Variants in CNBD1 observed in about 807,000 individuals in gnomAD.
CNBD1 encodes cyclic nucleotide-binding domain-containing protein 1.
Under a neutral mutation model 54.4 loss-of-function variants are expected in CNBD1, and 71 were observed. The observed-to-expected ratio is 1.30, with a 90% CI of 1.08 to 1.59. The LOEUF is 1.59. CNBD1 is among the 40% of genes most tolerant of loss of function. The pLI is 0.00. For synonymous variants in CNBD1, 182 were observed against 170.7 expected, an observed-to-expected ratio of 1.07 and a Z score of -0.51; for missense variants, 659 against 518.0, an observed-to-expected ratio of 1.27 and a Z score of -2.64.
intron 2 of CNBD1, among the ~76,000 whole-genome samples, chr8:87,390,603 G>T: frequency 6.6e-6 from 1 of 152,174 alleles, no homozygotes; most frequent in East Asian, 1.9e-4. Context: ...AGGTGCTGGA[G>T]AGGATGTGGA....
chr8:87,424,721 G>T (rs1444269646), intron 2 of CNBD1, among the ~76,000 whole-genome samples: 1 of 152,148 alleles, frequency 6.6e-6, no homozygotes, highest in Non-Finnish European at 1.5e-5. Context: ...CCTTTGAGGG[G>T]AACCTGACCT....
rs1358332876 is a variant in CNBD1 at position 87,266,843 on chromosome 8, A to G, written c.772-17835A>G. 2.6e-5 allele frequency among the ~76,000 whole-genome samples: 4 copies of G among 152,088 alleles called. No homozygotes were observed. In the East Asian group the frequency reaches 5.8e-4, roughly 22 times the overall value. ...TAAGGGCAGTTGGTTATACAGACAG[A>G]AAAGATAAAACTGCATGCCTACTTT... is the stretch of plus-strand genomic sequence containing the variant. On this transcript the variant is annotated intron_variant, in intron 6 of 10. Transcript: ENST00000518476.
intron 3 of CNBD1, among the ~76,000 whole-genome samples, chr8:86,928,087 T>G (rs537085730): frequency 5.3e-4 from 81 of 152,250 alleles, no homozygotes; most frequent in Admixed American, 9.8e-4. Context: ...GGGAAGGGAC[T>G]TGACCAATAC....
At chr8:87,407,394 G>A (rs1283285852) in intron 2 of CNBD1, among the ~76,000 whole-genome samples, 2 of 152,038 alleles carry the variant, frequency 1.3e-5, no homozygotes, top group Non-Finnish European at 2.9e-5. Flanking sequence ...ACTATATGAT[G>A]TTATTGATGG....
chr8:87,071,398 T>C (rs1810757363), intron 4 of CNBD1, among the ~76,000 whole-genome samples: 1 of 152,152 alleles, frequency 6.6e-6, no homozygotes, highest in Non-Finnish European at 1.5e-5. Flanking sequence ...AAAGGCTCCA[T>C]TCATTAGCAG....
At chr8:87,046,784 T>C (rs920001391) in intron 4 of CNBD1, among the ~76,000 whole-genome samples, 5 of 152,196 alleles carry the variant, frequency 3.3e-5, no homozygotes, top group African/African-American at 1.2e-4. Context: ...CTTTGGAAGA[T>C]AATATGTCCT....
chr8:86,883,969 G>A, intron 1 of CNBD1, among the ~76,000 whole-genome samples: 1 of 151,920 alleles, frequency 6.6e-6, no homozygotes, highest in East Asian at 1.9e-4. Flanking sequence ...GGCTAAAACG[G>A]TGAAACCCCG....
intron 10 of CNBD1, among the ~76,000 whole-genome samples, chr8:87,368,493 C>G (rs776688293): frequency 1.3e-5 from 2 of 151,744 alleles, no homozygotes; most frequent in Admixed American, 1.3e-4. Context: ...AAAAAGTTAG[C>G]TGGGCATGGT....
chr8:86,912,502 G>C (rs571795359), intron 3 of CNBD1, among the ~76,000 whole-genome samples: 1 of 152,246 alleles, frequency 6.6e-6, no homozygotes, highest in Admixed American at 6.5e-5. Context: ...ATAGCTGCCT[G>C]TAATGTCATA....
chr8:87,340,676 C>A (rs1305762567), intron 8 of CNBD1, among the ~76,000 whole-genome samples: 1 of 151,892 alleles, frequency 6.6e-6, no homozygotes, highest in Non-Finnish European at 1.5e-5. Flanking sequence ...TCTTCAAGTT[C>A]ACTGATTAAT....
chr8:87,028,909 G>A (rs12114709), intron 4 of CNBD1, among the ~76,000 whole-genome samples: 4,566 of 152,242 alleles, frequency 0.03, 234 homozygotes, highest in African/African-American at 0.1. Flanking sequence ...CTGCAACAAG[G>A]TGTACAAGGC....
At chr8:87,132,856 C>T (rs7829372) in intron 4 of CNBD1, among the ~76,000 whole-genome samples, 88,477 of 148,002 alleles carry the variant, frequency 0.6, 27,696 homozygotes, top group African/African-American at 0.78. Context: ...TTTCCTCTCT[C>T]CTCTCATTTT....
At chr8:87,102,880 C>T (rs1191885207) in intron 4 of CNBD1, among the ~76,000 whole-genome samples, 1 of 152,088 alleles carries the variant, frequency 6.6e-6, no homozygotes. Flanking sequence ...TCCCAAAGTG[C>T]TGGGGTTACA....
intron 4 of CNBD1, among the ~76,000 whole-genome samples, chr8:87,118,688 G>A (rs1162769805): frequency 6.6e-6 from 1 of 152,144 alleles, no homozygotes; most frequent in Non-Finnish European, 1.5e-5. Flanking sequence ...GGGATCAAAT[G>A]AACGTTCGTT....
At chr8:87,392,982 G>T (rs886200355) in intron 2 of CNBD1, among the ~76,000 whole-genome samples, 2 of 151,972 alleles carry the variant, frequency 1.3e-5, no homozygotes, top group African/African-American at 2.4e-5. Flanking sequence ...ATTTCAAGTG[G>T]TTCTACGTAA....
chr8:87,338,970 C>T (rs1482136937), intron 8 of CNBD1, among the ~76,000 whole-genome samples: 1 of 152,104 alleles, frequency 6.6e-6, no homozygotes, highest in Non-Finnish European at 1.5e-5. Context: ...TTCACATGTG[C>T]TTCACAGTTT....
At chr8:87,416,298 T>A (rs1011828460) in intron 2 of CNBD1, among the ~76,000 whole-genome samples, 2 of 151,986 alleles carry the variant, frequency 1.3e-5, no homozygotes, top group Non-Finnish European at 2.9e-5. Flanking sequence ...CTTCAAACAT[T>A]CTATTTTCTA....
chr8:87,071,782 T>C (rs979001533), intron 4 of CNBD1, among the ~76,000 whole-genome samples: 2 of 152,140 alleles, frequency 1.3e-5, no homozygotes, highest in African/African-American at 4.8e-5. Context: ...AGAATGTATA[T>C]TCTGTTGTTT....
At chr8:87,224,758 A>C (rs538502574) in intron 5 of CNBD1, among the ~76,000 whole-genome samples, 2,912 of 150,338 alleles carry the variant, frequency 0.019, 85 homozygotes, top group African/African-American at 0.065. Flanking sequence ...ACTTTAAAGT[A>C]GTTTTTTCCA....
Sources: gnomAD v4.1 joint callset for allele counts (sites outside exome capture counted in the v4.1 genomes callset) on GRCh38, gnomAD v4.1.1 for gene constraint, MANE v1.5 for transcripts, NCBI Gene and HGNC (gene_info 2026-07-23, HGNC 2026-07-21) for gene names.